The following RORA variants were observed in gnomAD, a reference collection of about 807,000 sequenced individuals.
RORA encodes RAR related orphan receptor A, also known as nuclear receptor ROR-alpha.
Under a neutral mutation model 69.5 loss-of-function variants are expected in RORA, and 7 were observed. The ratio of observed to expected loss-of-function variants is 0.10; its 90% CI spans 0.06 to 0.19. The LOEUF (loss-of-function observed/expected upper bound fraction) is 0.19. Ranked by LOEUF, RORA falls within the 10% of genes least tolerant of loss-of-function variation. RORA has a pLI of 1.00. For missense variants in RORA, 457 were observed against 663.0 expected (o/e 0.69, Z 3.41); for synonymous variants, 261 against 240.8 (o/e 1.08, Z -0.78).
chr15:60,859,252 C>G (rs1252111207), intron 1 of RORA, among the ~76,000 whole-genome samples: 1 of 152,076 alleles, frequency 6.6e-6, no homozygotes, highest in Non-Finnish European at 1.5e-5. Flanking sequence ...AAGAGATGAT[C>G]CCCTAAGGAC....
chr15:60,568,913 C>T (rs1006915369), intron 2 of RORA, among the ~76,000 whole-genome samples: 5 of 143,828 alleles, frequency 3.5e-5, no homozygotes, highest in African/African-American at 1.3e-4. Context: ...TGATATTTTT[C>T]ATATGGATTT....
intron 1 of RORA, among the ~76,000 whole-genome samples, chr15:60,804,290 A>T (rs1450528194): frequency 4.7e-5 from 6 of 128,818 alleles, no homozygotes; most frequent in Non-Finnish European, 7.3e-5. Flanking sequence ...TCCATCTCAA[A>T]AAAAAAAAAA....
intron 1 of RORA, among the ~76,000 whole-genome samples, chr15:61,130,695 T>C (rs971233810): frequency 7.2e-5 from 11 of 152,230 alleles, no homozygotes; most frequent in African/African-American, 2.7e-4. Context: ...GTAAATGATT[T>C]AGCACAGTAC....
chr15:60,569,114 A>G (rs2067801279), intron 2 of RORA, among the ~76,000 whole-genome samples: 1 of 152,124 alleles, frequency 6.6e-6, no homozygotes, highest in South Asian at 2.1e-4. Flanking sequence ...TATATAGAAA[A>G]TTGGTTGAAT....
At chr15:61,010,228 T>G (rs188243395) in intron 1 of RORA, among the ~76,000 whole-genome samples, 1 of 152,142 alleles carries the variant, frequency 6.6e-6, no homozygotes, top group African/African-American at 2.4e-5. Flanking sequence ...ACACTTCTAT[T>G]TGAGAGAATT....
At chr15:60,915,767 C>T (rs975827331) in intron 1 of RORA, among the ~76,000 whole-genome samples, 8 of 152,116 alleles carry the variant, frequency 5.3e-5, no homozygotes, top group African/African-American at 1.2e-4. Flanking sequence ...AATTCTAGCT[C>T]GCTCGAATGT....
chr15:60,534,412 G>C lies in RORA; in HGVS notation c.197-2561C>G, dbSNP rs374728506. On this transcript the variant is annotated intron_variant, in intron 2 of 10. Coordinates refer to ENST00000335670, the MANE Select transcript of RORA (RefSeq NM_134261.3). The surrounding 1 kb of genome is among the most constrained non-coding windows in gnomAD (Gnocchi z 5.0). ...TTTCAGATCTGGAGGATATTTGAGC[G>C]GAGACAGTCACGAGATCTGTGGAGG... Among the ~76,000 whole-genome samples, 3 of 152,080 alleles carry C rather than the reference G, an allele frequency of 2.0e-5. No individual in the cohort carries two copies. The highest frequency in any genetic ancestry group is 1.3e-4 in the Admixed American group (2 of 15,276).
chr15:60,800,860 T>C (rs940408860), intron 1 of RORA, among the ~76,000 whole-genome samples: 4 of 152,184 alleles, frequency 2.6e-5, no homozygotes, highest in African/African-American at 9.7e-5. Flanking sequence ...TTTACTATGT[T>C]GGGCTGCAGT....
chr15:61,041,365 G>A lies in RORA; in HGVS notation c.166+187688C>T, dbSNP rs1228502085. Among the ~76,000 whole-genome samples, 6 of 152,012 alleles carry A rather than the reference G, an allele frequency of 3.9e-5. No homozygotes were observed. The East Asian group carries it at 1.2e-3, about 29-fold the overall frequency. ...GAGATGAATTCAATGAGCTATCAGA[G>A]GTGCTTTCCATCCTATTAGAAAAAA... On this transcript the variant is annotated intron_variant, in intron 1 of 10. Transcript: ENST00000335670.
rs897672362 is a variant in RORA at position 60,489,112 on chromosome 15, A to G, written c.*8343T>C. The G allele has an allele frequency of 1.3e-5, 2 of 152,220 alleles. No homozygotes were observed. The highest frequency in any genetic ancestry group is 4.8e-5 in the African/African-American group (2 of 41,470). 9.4% of individuals were successfully genotyped at this position (152,220 alleles called of 1,614,324 possible). ...GATGCTAAATCGTGCTTTAAAAAAA[A>G]GGTTTCAATCTCTTTCCAAGAGAGG... On this transcript the variant is annotated 3_prime_UTR_variant, in exon 11 of 11. Transcript: ENST00000335670.
intron 1 of RORA, among the ~76,000 whole-genome samples, chr15:61,179,630 T>C (rs1366833010): frequency 6.6e-6 from 1 of 152,104 alleles, no homozygotes. Context: ...GGTCACGAGA[T>C]CAAAAAGTTT....
At chr15:60,699,857 G>A (rs1596137102) in intron 1 of RORA, among the ~76,000 whole-genome samples, 1 of 149,284 alleles carries the variant, frequency 6.7e-6, no homozygotes, top group African/African-American at 2.5e-5. Context: ...AAAAAAAAAA[G>A]ACCCCTTGTG....
At chr15:61,105,246 A>G (rs1000299495) in intron 1 of RORA, among the ~76,000 whole-genome samples, 2 of 152,220 alleles carry the variant, frequency 1.3e-5, no homozygotes, top group East Asian at 3.8e-4. Flanking sequence ...TATTATATAT[A>G]GTATTTATGA....
At chr15:60,521,926 G>T (rs1185593564) in intron 3 of RORA, among the ~76,000 whole-genome samples, 1 of 151,912 alleles carries the variant, frequency 6.6e-6, no homozygotes, top group East Asian at 1.9e-4. Context: ...TCTGATACGT[G>T]TCTTACCTTC....
intron 1 of RORA, among the ~76,000 whole-genome samples, chr15:60,806,569 T>C (rs1455884422): frequency 6.6e-6 from 1 of 152,234 alleles, no homozygotes; most frequent in East Asian, 1.9e-4. Flanking sequence ...GCCTGGGATC[T>C]ATAAGACTTG....
intron 1 of RORA, among the ~76,000 whole-genome samples, chr15:60,847,355 C>T (rs1037724130): frequency 6.6e-6 from 1 of 152,014 alleles, no homozygotes; most frequent in Admixed American, 6.6e-5. Flanking sequence ...GGCTGAACCT[C>T]ATCAGCTTCA....
intron 2 of RORA, among the ~76,000 whole-genome samples, chr15:60,622,345 G>A (rs1246542998): frequency 2.0e-5 from 3 of 150,254 alleles, no homozygotes; most frequent in African/African-American, 7.3e-5. Flanking sequence ...GGGCGTGATG[G>A]CTAACACCTG....
At chr15:60,959,466 G>C (rs1203151943) in intron 1 of RORA, among the ~76,000 whole-genome samples, 1 of 152,154 alleles carries the variant, frequency 6.6e-6, no homozygotes, top group Non-Finnish European at 1.5e-5. Context: ...GGCAACATCA[G>C]TGTGTCCTGA....
chr15:60,505,930 T>A (rs921770092), intron 5 of RORA, among the ~76,000 whole-genome samples: 1 of 152,178 alleles, frequency 6.6e-6, no homozygotes, highest in Non-Finnish European at 1.5e-5. Context: ...TTGACCTAGA[T>A]AGACATAGGA....
Sources: allele counts gnomAD v4.1 joint callset (sites outside exome capture counted in the v4.1 genomes callset), GRCh38; gene constraint gnomAD v4.1.1; non-coding constraint Gnocchi (gnomAD v3.1); transcripts MANE v1.5; gene names NCBI Gene and HGNC (gene_info 2026-07-23, HGNC 2026-07-21).